The following ANK2 variants were observed in gnomAD, a reference collection of about 807,000 sequenced individuals.
ANK2 encodes ankyrin 2.
A neutral mutation model predicts 360.5 loss-of-function variants in ANK2; 83 were observed. The ratio of observed to expected loss-of-function variants is 0.23; its 90% CI spans 0.19 to 0.28. ANK2 has a LOEUF of 0.28. Among genes scored for constraint, ANK2 ranks in the 10% least tolerant of loss-of-function variants. ANK2 has a pLI of 1.00. For synonymous variants in ANK2, 1,740 were observed against 1,759.5 expected (o/e 0.99, Z 0.28); for missense variants, 4,201 against 4,795.7 (o/e 0.88, Z 3.66).
intron 2 of ANK2, among the ~76,000 whole-genome samples, chr4:113,187,987 C>A (rs1208182881): frequency 6.6e-6 from 1 of 152,014 alleles, no homozygotes; most frequent in East Asian, 1.9e-4. Context: ...AGTGTGTGTG[C>A]GTATATACAT....
At chr4:113,261,184 C>A (rs2052698163) in intron 13 of ANK2, among the ~76,000 whole-genome samples, 1 of 151,976 alleles carries the variant, frequency 6.6e-6, no homozygotes, top group African/African-American at 2.4e-5. Flanking sequence ...CACGTATAGA[C>A]ATTTTTTTTT....
At chr4:113,043,699 G>A (rs1407417375) in intron 2 of ANK2, among the ~76,000 whole-genome samples, 1 of 152,166 alleles carries the variant, frequency 6.6e-6, no homozygotes, top group Admixed American at 6.5e-5. Context: ...CTTAGGGAAT[G>A]TCAAAAAAGT....
At chr4:113,255,607 C>A in intron 10 of ANK2, 128 bp from the exon 11 acceptor site, 1 of 896,790 alleles carries the variant, frequency 1.1e-6, no homozygotes, top group South Asian at 1.5e-5. Context: ...ATTCTGATGT[C>A]AAATGGAAAT....
intron 1 of ANK2, among the ~76,000 whole-genome samples, chr4:113,163,781 A>G (rs56080858): frequency 4.6e-5 from 5 of 109,880 alleles, no homozygotes; most frequent in Admixed American, 1.6e-4. Context: ...AAAAAAAAAA[A>G]AAAAAAAAAA....
At chr4:112,989,690 G>A (rs2046096080) in intron 2 of ANK2, among the ~76,000 whole-genome samples, 2 of 152,136 alleles carry the variant, frequency 1.3e-5, no homozygotes, top group Admixed American at 6.5e-5. Flanking sequence ...ATTCATCAGA[G>A]GTCTTAAAAG....
At chr4:112,827,453 A>C in intron 1 of ANK2, 4 of 1,374,478 alleles carry the variant, frequency 2.9e-6, no homozygotes, top group Non-Finnish European at 4.2e-6. Context: ...TTAAAAGACA[A>C]CCTTCTTGCT....
At chr4:112,876,526 C>A (rs2075168198) in intron 1 of ANK2, among the ~76,000 whole-genome samples, 1 of 152,030 alleles carries the variant, frequency 6.6e-6, no homozygotes, top group Admixed American at 6.6e-5. Context: ...GGTATAGGCT[C>A]TAACTTTGAG....
the ANK2 span, among the ~76,000 whole-genome samples, chr4:112,758,783 G>C: frequency 6.6e-6 from 1 of 152,112 alleles, no homozygotes; most frequent in Non-Finnish European, 1.5e-5. Context: ...CCACGGATTT[G>C]CCCCTTTCCA....
chr4:112,742,976 TC>T, the ANK2 span, among the ~76,000 whole-genome samples: 1 of 152,136 alleles, frequency 6.6e-6, no homozygotes, highest in African/African-American at 2.4e-5. Flanking sequence ...TCTTCTGAGA[TC>T]CGTCAGGACT....
intron 40 of ANK2, among the ~76,000 whole-genome samples, chr4:113,364,477 A>G (rs1360205920): frequency 2.6e-5 from 4 of 152,250 alleles, no homozygotes; most frequent in East Asian, 1.9e-4. Context: ...CACTTCTAAC[A>G]GTAATGTTAC....
chr4:113,283,864 G>T (rs903485698), intron 18 of ANK2, among the ~76,000 whole-genome samples: 2 of 152,160 alleles, frequency 1.3e-5, no homozygotes, highest in Non-Finnish European at 2.9e-5. Context: ...TTCATTGTTA[G>T]TTGGTACTTT....
chr4:112,723,777 A>G, the ANK2 span, among the ~76,000 whole-genome samples: 1 of 152,224 alleles, frequency 6.6e-6, no homozygotes, highest in African/African-American at 2.4e-5. Flanking sequence ...GAACCTAACA[A>G]CAAAGGTCAC....
At chr4:112,768,895 C>T in the ANK2 span, among the ~76,000 whole-genome samples, 1 of 152,164 alleles carries the variant, frequency 6.6e-6, no homozygotes, top group Non-Finnish European at 1.5e-5. Context: ...AAAAGTATAT[C>T]AAAAGAGAAC....
At chr4:113,198,834 G>A (rs940655791) in intron 3 of ANK2, among the ~76,000 whole-genome samples, 177 bp from the exon 4 acceptor site, 1 of 151,832 alleles carries the variant, frequency 6.6e-6, no homozygotes, top group Non-Finnish European at 1.5e-5. Flanking sequence ...TATATGAGGT[G>A]GCCAATTTTT....
chr4:112,928,855 GT>G (rs1235507355), intron 2 of ANK2, among the ~76,000 whole-genome samples: 3,692 of 141,960 alleles, frequency 0.026, 138 homozygotes, highest in African/African-American at 0.084. Context: ...CCGTCTTTAG[GT>G]TTTTTTTTTT....
Position 113,286,362 on chromosome 4 carries a change from G to A in ANK2, c.2080-1243G>A, listed in dbSNP as rs113786725. Among the ~76,000 whole-genome samples, 530 of 152,280 alleles carry A rather than the reference G, an allele frequency of 3.5e-3. 1 individual carries two copies. The highest frequency in any genetic ancestry group is 0.012 in the African/African-American group (508 of 41,558). Reference sequence around the variant, plus strand: ...TGTGTTTTACGAAACTCAAAGTTGAGCTCACCCAGAGCTCTCAGGATTAAA... The same window carrying A: ...TGTGTTTTACGAAACTCAAAGTTGAACTCACCCAGAGCTCTCAGGATTAAA... On this transcript the variant is annotated intron_variant, in intron 18 of 45. Coordinates refer to ENST00000357077, the MANE Select transcript of ANK2 (RefSeq NM_001148.6).
the ANK2 span, among the ~76,000 whole-genome samples, chr4:112,781,902 T>C: frequency 6.8e-6 from 1 of 147,654 alleles, no homozygotes; most frequent in Non-Finnish European, 1.5e-5. Context: ...TGATATTGGC[T>C]CACTGCAACC....
rs550673678 is a variant in ANK2 at position 113,187,590 on chromosome 4, A to G, written c.187-8778A>G. ...AACTTGGAACTTTAGCAACACAGGA[A>G]ATTTGAGGGGTTTACAAAGAAAAGC... On this transcript the variant is annotated intron_variant, in intron 2 of 45. Transcript: ENST00000357077. 9.2e-5 allele frequency among the ~76,000 whole-genome samples: 14 copies of G among 152,316 alleles called. No homozygotes were observed. The South Asian group carries it at 2.9e-3, about 32-fold the overall frequency.
chr4:112,874,701 C>T (rs190256060), intron 1 of ANK2, among the ~76,000 whole-genome samples: 338 of 147,900 alleles, frequency 2.3e-3, no homozygotes, highest in African/African-American at 7.6e-3. Flanking sequence ...TGTTTGATAA[C>T]CACTGACCTA....
Sources: gnomAD v4.1 joint callset for allele counts (sites outside exome capture counted in the v4.1 genomes callset) on GRCh38, gnomAD v4.1.1 for gene constraint, MANE v1.5 for transcripts, NCBI Gene and HGNC (gene_info 2026-07-23, HGNC 2026-07-21) for gene names.